LYST: variants seen among roughly 807,000 people sequenced by gnomAD.
The protein encoded by LYST is lysosomal-trafficking regulator.
A neutral mutation model predicts 413.6 loss-of-function variants in LYST; 192 were observed. The observed-to-expected ratio is 0.46, with a 90% confidence interval of 0.41 to 0.52. The LOEUF is 0.52. Ranked by LOEUF, LYST falls within the 20% of genes least tolerant of loss-of-function variation. The pLI is 0.00. For missense variants in LYST, 3,815 were observed against 4,499.9 expected, an observed-to-expected ratio of 0.85 and a Z score of 4.35; for synonymous variants, 1,525 against 1,567.3, an observed-to-expected ratio of 0.97 and a Z score of 0.64.
At chr1:235,864,712 G>A (rs1039264038) in intron 1 of LYST, among the ~76,000 whole-genome samples, 1 of 152,304 alleles carries the variant, frequency 6.6e-6, no homozygotes, top group South Asian at 2.1e-4. Context: ...TGGATGGATC[G>A]CTTGAGCCCA....
rs762254340 is a variant in LYST, at chr1:235,813,064, A to G, written c.193-3T>C. 5.9e-6 allele frequency: 9 copies of G among 1,536,246 alleles called. No individual in the cohort carries two copies. The highest frequency in any genetic ancestry group is 9.0e-7 in the Non-Finnish European group (1 of 1,109,314). On this transcript the variant is annotated splice_polypyrimidine_tract_variant and splice_region_variant and intron_variant, in intron 3 of 52. Coordinates refer to ENST00000389793, the MANE Select transcript of LYST (RefSeq NM_000081.4). ...AGTTCTTCTCTACATGTCAATGCCTATGTCAGTAACAAAAGAATCCTTCAT... is the reference window on the plus strand; with the variant it reads ...AGTTCTTCTCTACATGTCAATGCCTGTGTCAGTAACAAAAGAATCCTTCAT...
intron 20 of LYST, among the ~76,000 whole-genome samples, chr1:235,767,948 T>C (rs1273795592): frequency 1.3e-5 from 2 of 151,558 alleles, no homozygotes; most frequent in African/African-American, 2.4e-5. Flanking sequence ...GCTTTCACTT[T>C]ACTGAGTCTC....
intron 1 of LYST, among the ~76,000 whole-genome samples, chr1:235,859,362 C>T (rs1001562653): frequency 2.0e-5 from 3 of 152,168 alleles, no homozygotes; most frequent in Non-Finnish European, 2.9e-5. Context: ...AACAGACAAA[C>T]CTTCCCAATG....
chr1:235,716,641 G>GTACAAGAAGGTAAAAAAATCCATA, intron 41 of LYST, 71 bp downstream of exon 41: 2 of 940,650 alleles, frequency 2.1e-6, no homozygotes, highest in Non-Finnish European at 3.4e-6. Flanking sequence ...TTTAAAATTA[G>GTACAAGAAGGTAAAAAAATCCATA]GTAAAACACA....
upstream of LYST, among the ~76,000 whole-genome samples, chr1:235,868,908 TG>T (rs200653684): frequency 4.1e-3 from 626 of 152,228 alleles, 3 homozygotes; most frequent in African/African-American, 0.014. Context: ...TTGGTCAGGC[TG>T]GTCTCGAACT....
At chr1:235,744,333 C>T (rs1027682189) in intron 29 of LYST, among the ~76,000 whole-genome samples, 176 bp from the exon 30 acceptor site, 3 of 151,902 alleles carry the variant, frequency 2.0e-5, no homozygotes, top group Non-Finnish European at 2.9e-5. Context: ...AGTGAATTTA[C>T]GTAAAATAAC....
intron 10 of LYST, among the ~76,000 whole-genome samples, chr1:235,796,784 CTG>C (rs930406056): frequency 8.5e-5 from 13 of 152,188 alleles, no homozygotes; most frequent in African/African-American, 2.9e-4. Flanking sequence ...GTCTCCAGAA[CTG>C]TGAGAAAATA....
In LYST at chr1:235,801,071, C is replaced by G. The variant is rs199898370; in HGVS notation, c.3739G>C (p.Gly1247Arg). 64 of 1,608,658 alleles carry G rather than the reference C, an allele frequency of 4.0e-5. No individual in the cohort carries two copies. The highest frequency in any genetic ancestry group is 1.6e-4 in the Middle Eastern group (1 of 6,064). Residue 1247 changes from glycine (G) to arginine (R), a missense_variant, in exon 9 of 53, where the codon GGT (glycine) becomes CGT (arginine). Physicochemically the swap from Gly to Arg is moderately radical, Grantham distance 125. Transcript: ENST00000389793. ...TTTGGACTGCTTGATGCACTGAAAC[C>G]TTCTGTTTCAGACTTTAAGTCTACC... ...DGVDLKSETEGFSASSSPNDL... is the reference protein window; with the variant it reads ...DGVDLKSETERFSASSSPNDL...
At chr1:235,771,840 G>C (rs760652216) in intron 19 of LYST, among the ~76,000 whole-genome samples, 14 of 147,834 alleles carry the variant, frequency 9.5e-5, no homozygotes, top group Non-Finnish European at 2.1e-4. Flanking sequence ...AGGAAGAATA[G>C]AAAATTCTCT....
intron 29 of LYST, 116 bp from the exon 30 acceptor site, chr1:235,744,273 T>C (rs1273359925): frequency 1.1e-5 from 7 of 664,642 alleles, no homozygotes; most frequent in Non-Finnish European, 1.9e-5. Flanking sequence ...GTTATCACAA[T>C]TTAAATGTGT....
chr1:235,803,968 C>T (rs964940540), intron 7 of LYST, among the ~76,000 whole-genome samples: 2 of 151,796 alleles, frequency 1.3e-5, no homozygotes, highest in African/African-American at 4.8e-5. Flanking sequence ...AATTATGTAC[C>T]ACATAATTTT....
At chr1:235,823,050 A>T (rs1674934918) in intron 3 of LYST, among the ~76,000 whole-genome samples, 1 of 152,224 alleles carries the variant, frequency 6.6e-6, no homozygotes, top group Admixed American at 6.5e-5. Flanking sequence ...CAGAATCATG[A>T]GCAAAGAAAT....
intron 48 of LYST, among the ~76,000 whole-genome samples, chr1:235,681,934 G>A (rs1017531840): frequency 2.6e-5 from 4 of 151,826 alleles, no homozygotes; most frequent in African/African-American, 7.3e-5. Context: ...GCTGTGACAC[G>A]TTGGGCAAGT....
chr1:235,858,572 A>G (rs545524167), intron 1 of LYST, among the ~76,000 whole-genome samples: 18 of 151,944 alleles, frequency 1.2e-4, no homozygotes, highest in African/African-American at 4.1e-4. Flanking sequence ...CCTGCACTTG[A>G]CTCATTTAGA....
At chr1:235,735,411 TTTA>T (rs973683049) in intron 31 of LYST, 2 of 152,088 alleles carry the variant, frequency 1.3e-5, no homozygotes, top group African/African-American at 4.8e-5. Flanking sequence ...TAGCCAATCT[TTTA>T]TTAACAGGCC....
chr1:235,750,445 G>A (rs1029577954), intron 28 of LYST, among the ~76,000 whole-genome samples: 4 of 152,078 alleles, frequency 2.6e-5, no homozygotes, highest in African/African-American at 9.7e-5. Context: ...AGCTTAACAC[G>A]GGTGAAAGAA....
At chr1:235,720,610 A>T (rs576750858) in intron 40 of LYST, 51 bp downstream of exon 40, 1 of 1,586,448 alleles carries the variant, frequency 6.3e-7, no homozygotes, top group South Asian at 1.1e-5. Flanking sequence ...TAATAAAGAA[A>T]TACAACATAT....
In LYST at chr1:235,709,133, C is replaced by G; in HGVS notation, c.10101G>C (p.Lys3367Asn). 6.2e-7 allele frequency: 1 copy of G among 1,614,072 alleles called. No individual in the cohort carries two copies. The highest frequency in any genetic ancestry group is 8.5e-7 in the Non-Finnish European group (1 of 1,179,994). Residue 3367 changes from lysine (K) to asparagine (N), a missense_variant, in exon 44 of 53, where the codon AAG becomes AAC. This residue lies in a region of LYST where 866 missense variants were observed against 1,156.0 expected (regional missense o/e 0.75). Transcript: ENST00000389793. Reference protein sequence around the residue: ...WIDLVFGYKQKGKASVQAINV... With the variant: ...WIDLVFGYKQNGKASVQAINV... ...TGATCGCTTGAACAGAAGCCTTCCC[C>G]TTTTGCTTATACCCAAACACCAAGT...
chr1:235,878,418 TCCCTGATTCCACC>T (rs1681232194), intron 1 of LYST, among the ~76,000 whole-genome samples: 2 of 152,162 alleles, frequency 1.3e-5, no homozygotes, highest in Non-Finnish European at 2.9e-5. Flanking sequence ...TATCCCACTC[TCCCTGATTCCACC>T]CCCTTGGACA....
Sources: gnomAD v4.1 joint callset for allele counts (sites outside exome capture counted in the v4.1 genomes callset) on GRCh38, gnomAD v4.1.1 for gene constraint, gnomAD v4.1.1 regional missense constraint, MANE v1.5 for transcripts, NCBI Gene and HGNC (gene_info 2026-07-23, HGNC 2026-07-21) for gene names.